SPN: variants seen among roughly 807,000 people sequenced by gnomAD.
SPN encodes the protein sialophorin, also known as leukosialin.
Under a neutral mutation model 8.4 loss-of-function variants are expected in SPN, and 6 were observed. The ratio of observed to expected loss-of-function variants is 0.72; its 90% confidence interval spans 0.39 to 1.42. The LOEUF is 1.42. Ranked by LOEUF, SPN falls within the 40% of genes most tolerant of loss-of-function variation. The pLI is 0.02. For synonymous variants in SPN, 201 were observed against 222.6 expected (o/e 0.90, Z 0.86); for missense variants, 517 against 530.6 (o/e 0.97, Z 0.25).
rs1966799149 is a variant in SPN at position 29,665,630 on chromosome 16, A to C, written c.*699A>C. 6.0e-6 allele frequency: 1 copy of C among 167,108 alleles called. No homozygotes were observed. Among genetic ancestry groups the C allele is most frequent in the African/African-American group, 2.4e-5 (1 of 41,466 alleles). The allele number at this position is 167,108 out of a possible 1,614,324, so 10.4% of individuals were successfully genotyped here. On this transcript the variant is annotated 3_prime_UTR_variant, in exon 2 of 2. Transcript: ENST00000652691. ...TCTTTGACAATTCTCCTTTTCCCCC[A>C]GAACCCACCCTGGGTTGACCAGAGT...
At position 29,670,731 on chromosome 16, in the gene SPN, T is replaced by C. The variant is rs544339641; in HGVS notation, c.*5800T>C. The stretch of plus-strand genomic sequence containing the variant: ...AAATTCCCAACCATATATGCACTTA[T>C]AGGGAAACAAAGGACCCATCGCAAA... On this transcript the variant is annotated 3_prime_UTR_variant, in exon 2 of 2. Coordinates refer to ENST00000652691, the MANE Select transcript of SPN (RefSeq NM_003123.6). The C allele has an allele frequency of 8.8e-6, 4 of 455,926 alleles. No individual in the cohort carries two copies. The highest frequency in any genetic ancestry group is 1.3e-5 in the Non-Finnish European group (3 of 226,732). The allele number at this position is 455,926 out of a possible 1,614,324, so 28.2% of individuals were successfully genotyped here.
Position 29,664,601 on chromosome 16 carries a change from C to A in SPN, c.873C>A (p.Ser291Arg). The A allele has an allele frequency of 6.2e-7, 1 of 1,606,634 alleles. No homozygotes were observed. The change falls in exon 2 of 2, where the codon AGC becomes AGA. Residue 291 changes from serine (S) to arginine (R), a missense_variant. Physicochemically the swap from Ser to Arg is moderately radical, Grantham distance 110. Coordinates refer to ENST00000652691, the MANE Select transcript of SPN (RefSeq NM_003123.6). This position sits in a 1 kb window ranked among gnomAD's most constrained non-coding sequence, Gnocchi z 6.4. ...GGCGGACTGGGGCCCTCGTGCTGAG[C>A]AGAGGCGGCAAGCGTAACGGGGTGG... ...QKRRTGALVL[S>R]RGGKRNGVVD... is the part of the protein sequence containing the mutation.
Position 29,664,798 on chromosome 16 carries a change from C to G in SPN, c.1070C>G (p.Ala357Gly). 1 of 1,501,710 alleles carries G rather than the reference C, an allele frequency of 6.7e-7. No homozygotes were observed. Among genetic ancestry groups the G allele is most frequent in the Non-Finnish European group, 8.9e-7 (1 of 1,128,444 alleles). 93.0% of individuals were successfully genotyped at this position (1,501,710 alleles called of 1,614,324 possible). ...CGGAAGTCTCGCCAGGGCTCCCTGG[C>G]GATGGAGGAGCTGAAGTCTGGGTCA... ...GRRKSRQGSL[A>G]MEELKSGSGP... Residue 357 changes from alanine (A) to glycine (G), a missense_variant, in exon 2 of 2, where the codon GCG becomes GGG. Ala to Gly is a moderately conservative substitution (Grantham distance 60). Transcript: ENST00000652691. The surrounding 1 kb of genome is among the most constrained non-coding windows in gnomAD (Gnocchi z 6.4).
At position 29,666,590 on chromosome 16, in the gene SPN, G is replaced by C. The variant is rs1966820710; in HGVS notation, c.*1659G>C. 3.9e-6 allele frequency: 1 copy of C among 256,170 alleles called. No individual in the cohort carries two copies. The highest frequency in any genetic ancestry group is 8.3e-6 in the Non-Finnish European group (1 of 120,680). The allele number at this position is 256,170 out of a possible 1,614,324, so 15.9% of individuals were successfully genotyped here. A position where few individuals can be genotyped will look rare whatever the true frequency, so the allele number is the denominator to read the frequency against. ...CGCGCTCTCCTGCGAACAGAGGCAG[G>C]GGGAGAGGGGTTTGCCCTGGTCTCG... On this transcript the variant is annotated 3_prime_UTR_variant, in exon 2 of 2. Coordinates refer to ENST00000652691, the MANE Select transcript of SPN (RefSeq NM_003123.6).
In SPN at chr16:29,664,792, C is replaced by T. The variant is rs780661381; in HGVS notation, c.1064C>T (p.Ser355Phe). ...GGCAGACGGAAGTCTCGCCAGGGCTCCCTGGCGATGGAGGAGCTGAAGTCT... is the reference window on the plus strand; with the variant it reads ...GGCAGACGGAAGTCTCGCCAGGGCTTCCTGGCGATGGAGGAGCTGAAGTCT... ...FFGRRKSRQG[S>F]LAMEELKSGS... The change falls in exon 2 of 2, where the codon TCC becomes TTC. Residue 355 changes from serine to phenylalanine, a missense_variant. By Grantham distance (155) the Ser-to-Phe change is radical. Coordinates refer to ENST00000652691, the MANE Select transcript of SPN (RefSeq NM_003123.6). This position sits in a 1 kb window ranked among gnomAD's most constrained non-coding sequence, Gnocchi z 6.4. 58 of 1,501,942 alleles carry T rather than the reference C, an allele frequency of 3.9e-5. No homozygotes were observed. The highest frequency in any genetic ancestry group is 4.7e-5 in the Non-Finnish European group (53 of 1,128,548). 93.0% of individuals were successfully genotyped at this position (1,501,942 alleles called of 1,614,324 possible).
chr16:29,667,022 G>A lies in SPN; in HGVS notation c.*2091G>A, dbSNP rs117764952. The A allele has an allele frequency of 5.9e-5, 28 of 471,024 alleles. No homozygotes were observed. The highest frequency in any genetic ancestry group is 1.1e-4 in the Non-Finnish European group (26 of 226,906). 29.2% of individuals were successfully genotyped at this position (471,024 alleles called of 1,614,324 possible). The stretch of plus-strand genomic sequence containing the variant: ...GCCTGGGCAGGAGATGGGGGAAAGG[G>A]TCAGGTGGGGGATGGGCTCGTGCAG... On this transcript the variant is annotated 3_prime_UTR_variant, in exon 2 of 2. Coordinates refer to ENST00000652691, the MANE Select transcript of SPN (RefSeq NM_003123.6).
rs1214549294 is a variant in SPN at position 29,669,576 on chromosome 16, A to G, written c.*4645A>G. ...GGATATTTTAAGACTAAAAAGGAAAACAAAAAAAGGAGATAGAGCAGGCCA... is the reference window on the plus strand; with the variant it reads ...GGATATTTTAAGACTAAAAAGGAAAGCAAAAAAAGGAGATAGAGCAGGCCA... On this transcript the variant is annotated 3_prime_UTR_variant, in exon 2 of 2. Transcript: ENST00000652691. The G allele has an allele frequency of 6.1e-6, 1 of 164,540 alleles. No individual in the cohort carries two copies. Among genetic ancestry groups the G allele is most frequent in the Non-Finnish European group, 1.5e-5 (1 of 68,030 alleles). The allele number at this position is 164,540 out of a possible 1,614,324, so 10.2% of individuals were successfully genotyped here.
rs755989705 is a variant in SPN at position 29,664,445 on chromosome 16, C to G, written c.717C>G (p.Asn239Lys). 3 of 1,614,200 alleles carry G rather than the reference C, an allele frequency of 1.9e-6. No homozygotes were observed. The highest frequency in any genetic ancestry group is 2.5e-6 in the Non-Finnish European group (3 of 1,180,026). ...TGATGTCTCCAACGACCTCCACCAACGCAAGCACTGTGCCCTTCCGGAACC... is the reference window on the plus strand; with the variant it reads ...TGATGTCTCCAACGACCTCCACCAAGGCAAGCACTGTGCCCTTCCGGAACC... ...STMMSPTTST[N>K]ASTVPFRNPD... is the part of the protein sequence containing the mutation. Residue 239 changes from asparagine to lysine, a missense_variant, in exon 2 of 2, where the codon AAC (asparagine) becomes AAG (lysine). Transcript: ENST00000652691. This position sits in a 1 kb window ranked among gnomAD's most constrained non-coding sequence, Gnocchi z 6.4.
At position 29,664,738 on chromosome 16, in the gene SPN, G is replaced by T; in HGVS notation, c.1010G>T (p.Ser337Ile). The T allele has an allele frequency of 6.7e-7, 1 of 1,482,984 alleles. No homozygotes were observed. The highest frequency in any genetic ancestry group is 8.9e-7 in the Non-Finnish European group (1 of 1,118,090). 91.9% of individuals were successfully genotyped at this position (1,482,984 alleles called of 1,614,324 possible). ...GGGTTCCCCGATGGGGAGGGGTCTA[G>T]CCGTCGGCCCACGCTCACCACTTTC... ...GSGFPDGEGS[S>I]RRPTLTTFFG... Residue 337 changes from serine to isoleucine, a missense_variant, in exon 2 of 2, where the codon AGC becomes ATC. By Grantham distance (142) the Ser-to-Ile change is moderately radical. Transcript: ENST00000652691. This position sits in a 1 kb window ranked among gnomAD's most constrained non-coding sequence, Gnocchi z 6.4.
Position 29,664,383 on chromosome 16 carries a change from A to G in SPN, c.655A>G (p.Ser219Gly), listed in dbSNP as rs369254132. 2 of 1,614,164 alleles carry G rather than the reference A, an allele frequency of 1.2e-6. No homozygotes were observed. Among genetic ancestry groups the G allele is most frequent in the East Asian group, 2.2e-5 (1 of 44,880 alleles). The change falls in exon 2 of 2, where the codon AGT becomes GGT. Residue 219 changes from serine to glycine, a missense_variant. Ser to Gly is a moderately conservative substitution (Grantham distance 56). Coordinates refer to ENST00000652691, the MANE Select transcript of SPN (RefSeq NM_003123.6). This position sits in a 1 kb window ranked among gnomAD's most constrained non-coding sequence, Gnocchi z 6.4. ...TGSLEPSSGASGPQVSSVKLS... is the reference protein window; with the variant it reads ...TGSLEPSSGAGGPQVSSVKLS... ...CTCTCTGGAGCCCTCCAGCGGGGCC[A>G]GTGGACCCCAGGTCTCTAGCGTAAA...
rs1404796945 is a variant in SPN, at chr16:29,669,406, G to A, written c.*4475G>A. On this transcript the variant is annotated 3_prime_UTR_variant, in exon 2 of 2. Coordinates refer to ENST00000652691, the MANE Select transcript of SPN (RefSeq NM_003123.6). ...AGTAGAGATGGGGTTTCACCATGTT[G>A]GTCAAGCTGGTCTTGAACTCCCGAC... is the stretch of plus-strand genomic sequence containing the variant. The A allele has an allele frequency of 1.2e-5, 2 of 160,878 alleles. No individual in the cohort carries two copies. The highest frequency in any genetic ancestry group is 3.0e-5 in the Non-Finnish European group (2 of 67,734). 10.0% of individuals were successfully genotyped at this position (160,878 alleles called of 1,614,324 possible).
Position 29,665,358 on chromosome 16 carries a change from C to A in SPN, c.*427C>A, listed in dbSNP as rs1346557174. Reference sequence around the variant, plus strand: ...GACATGAGCCTCCGCGCCTTGCCTCCTCACCCACCTCTTCACTCTGAATCC... The same window carrying A: ...GACATGAGCCTCCGCGCCTTGCCTCATCACCCACCTCTTCACTCTGAATCC... On this transcript the variant is annotated 3_prime_UTR_variant, in exon 2 of 2. Coordinates refer to ENST00000652691, the MANE Select transcript of SPN (RefSeq NM_003123.6). 5.9e-6 allele frequency: 1 copy of A among 168,630 alleles called. No individual in the cohort carries two copies. The allele number at this position is 168,630 out of a possible 1,614,324, so 10.4% of individuals were successfully genotyped here. A position where few individuals can be genotyped will look rare whatever the true frequency, so the allele number is the denominator to read the frequency against.
rs1034701247 is a variant in SPN at position 29,666,125 on chromosome 16, G to A, written c.*1194G>A. 1 of 167,180 alleles carries A rather than the reference G, an allele frequency of 6.0e-6. No homozygotes were observed. Among genetic ancestry groups the A allele is most frequent in the African/African-American group, 2.4e-5 (1 of 41,414 alleles). 10.4% of individuals were successfully genotyped at this position (167,180 alleles called of 1,614,324 possible). A position where few individuals can be genotyped will look rare whatever the true frequency, so the allele number is the denominator to read the frequency against. ...CTGAAGAGGGTCAACCTGGGCATGG[G>A]GGACACAGGGACTGCTGAGAACGTG... On this transcript the variant is annotated 3_prime_UTR_variant, in exon 2 of 2. Coordinates refer to ENST00000652691, the MANE Select transcript of SPN (RefSeq NM_003123.6).
rs770099258 is a variant in SPN, at chr16:29,664,741, G to A, written c.1013G>A (p.Arg338His). The A allele has an allele frequency of 8.1e-6, 12 of 1,483,548 alleles. No individual in the cohort carries two copies. The highest frequency in any genetic ancestry group is 2.4e-5 in the East Asian group (1 of 42,210). The allele number at this position is 1,483,548 out of a possible 1,614,324, so 91.9% of individuals were successfully genotyped here. A position where few individuals can be genotyped will look rare whatever the true frequency, so the allele number is the denominator to read the frequency against. Residue 338 changes from arginine (R) to histidine (H), a missense_variant, in exon 2 of 2, where the codon CGT becomes CAT. Coordinates refer to ENST00000652691, the MANE Select transcript of SPN (RefSeq NM_003123.6). This position sits in a 1 kb window ranked among gnomAD's most constrained non-coding sequence, Gnocchi z 6.4. The part of the protein sequence containing the change: ...SGFPDGEGSS[R>H]RPTLTTFFGR... Reference sequence around the variant, plus strand: ...TTCCCCGATGGGGAGGGGTCTAGCCGTCGGCCCACGCTCACCACTTTCTTT... The same window carrying A: ...TTCCCCGATGGGGAGGGGTCTAGCCATCGGCCCACGCTCACCACTTTCTTT...
chr16:29,666,197 T>TC lies in SPN; in HGVS notation c.*1267dup. On this transcript the variant is annotated 3_prime_UTR_variant, in exon 2 of 2. Coordinates refer to ENST00000652691, the MANE Select transcript of SPN (RefSeq NM_003123.6). ...GGGTGGACATAGCAGAAAATCTAAC[T>TC]CTGTCTGTAGCCCCATACAGAATGC... is the stretch of plus-strand genomic sequence containing the variant. 1 of 166,864 alleles carries TC rather than the reference T, an allele frequency of 6.0e-6. No individual in the cohort carries two copies. 10.3% of individuals were successfully genotyped at this position (166,864 alleles called of 1,614,324 possible).
chr16:29,663,341 TA>T lies in SPN; in HGVS notation c.-35+26del, dbSNP rs1182356928. 5.9e-6 allele frequency: 1 copy of T among 169,830 alleles called. No individual in the cohort carries two copies. The highest frequency in any genetic ancestry group is 6.3e-5 in the Admixed American group (1 of 15,824). 10.5% of individuals were successfully genotyped at this position (169,830 alleles called of 1,614,324 possible). ...GGTAAGAGGGTGAGACTTGGTGGGG[TA>T]GGGGCCTCAGTGGGCCTGGGAATGT... On this transcript the variant is annotated intron_variant, in intron 1 of 1. Transcript: ENST00000652691. This position sits in a 1 kb window ranked among gnomAD's most constrained non-coding sequence, Gnocchi z 4.3.
In SPN at chr16:29,670,424, G is replaced by A. The variant is rs1215766121; in HGVS notation, c.*5493G>A. 1 of 160,478 alleles carries A rather than the reference G, an allele frequency of 6.2e-6. No individual in the cohort carries two copies. The highest frequency in any genetic ancestry group is 1.4e-5 in the Non-Finnish European group (1 of 73,820). 9.9% of individuals were successfully genotyped at this position (160,478 alleles called of 1,614,324 possible). Reference sequence around the variant, plus strand: ...GAATTGCTTGAAACCGGGAGGCAGAGGTTGCAGTGAGCCGAGATCGTGTCA... The same window carrying A: ...GAATTGCTTGAAACCGGGAGGCAGAAGTTGCAGTGAGCCGAGATCGTGTCA... On this transcript the variant is annotated 3_prime_UTR_variant, in exon 2 of 2. Coordinates refer to ENST00000652691, the MANE Select transcript of SPN (RefSeq NM_003123.6).
Position 29,665,063 on chromosome 16 carries a change from T to C in SPN, c.*132T>C, listed in dbSNP as rs1433166534. 10 of 1,100,082 alleles carry C rather than the reference T, an allele frequency of 9.1e-6. No homozygotes were observed. Among genetic ancestry groups the C allele is most frequent in the Non-Finnish European group, 1.2e-5 (10 of 853,904 alleles). The allele number at this position is 1,100,082 out of a possible 1,614,324, so 68.1% of individuals were successfully genotyped here. ...TGATCCTCACCCGAATCTCCTTTTT[T>C]TTTTTCTTTTGAGACAGAGTTTCGC... is the stretch of plus-strand genomic sequence containing the variant. On this transcript the variant is annotated 3_prime_UTR_variant, in exon 2 of 2. Coordinates refer to ENST00000652691, the MANE Select transcript of SPN (RefSeq NM_003123.6).
chr16:29,664,139 G>T lies in SPN; in HGVS notation c.411G>T (p.Thr137=). 1 of 1,613,914 alleles carries T rather than the reference G, an allele frequency of 6.2e-7. No homozygotes were observed. The highest frequency in any genetic ancestry group is 1.1e-5 in the South Asian group (1 of 91,062). ...SHTVTGGTIT[T]NSPETSSRTS... ...CCGTGACAGGTGGAACCATAACAAC[G>T]AACTCTCCAGAAACCTCCAGTAGGA... Residue 137 remains threonine, a synonymous_variant, in exon 2 of 2, where the codon ACG becomes ACT. Transcript: ENST00000652691. This position sits in a 1 kb window ranked among gnomAD's most constrained non-coding sequence, Gnocchi z 6.4.
Sources: gnomAD v4.1 joint callset for allele counts on GRCh38, gnomAD v4.1.1 for gene constraint, Gnocchi (gnomAD v3.1) non-coding constraint, MANE v1.5 for transcripts, NCBI Gene and HGNC (gene_info 2026-07-23, HGNC 2026-07-21) for gene names.